The following FAM228B variants were observed in gnomAD, a reference collection of about 807,000 sequenced individuals.
The protein encoded by FAM228B is family with sequence similarity 228 member B.
In FAM228B, 38 loss-of-function variants were observed where a neutral mutation model predicts 42.6. The ratio of observed to expected loss-of-function variants is 0.89; its 90% CI spans 0.69 to 1.17. The LOEUF (loss-of-function observed/expected upper bound fraction) is 1.17. Among genes scored for constraint, FAM228B ranks in the 50% most tolerant of loss-of-function variants. FAM228B has a pLI of 0.00. For synonymous variants in FAM228B, 109 were observed against 122.3 expected (o/e 0.89, Z 0.72); for missense variants, 344 against 367.3 (o/e 0.94, Z 0.52).
chr2:24,103,802 G>T (rs535971844), intron 3 of FAM228B, among the ~76,000 whole-genome samples: 58 of 152,340 alleles, frequency 3.8e-4, no homozygotes, highest in African/African-American at 1.4e-3. Flanking sequence ...ACAGCTCACA[G>T]AACTGAGTTC....
intron 2 of FAM228B, among the ~76,000 whole-genome samples, chr2:24,093,771 C>A (rs1051849031): frequency 6.6e-6 from 1 of 151,880 alleles, no homozygotes; most frequent in South Asian, 2.1e-4. Context: ...GGCCCACCAC[C>A]TAGCCTGGCT....
intron 9 of FAM228B, among the ~76,000 whole-genome samples, chr2:24,164,654 C>T (rs1573789009): frequency 6.6e-6 from 1 of 152,300 alleles, no homozygotes; most frequent in South Asian, 2.1e-4. Context: ...CCCAGCCCCT[C>T]TCTCAGTCCG....
chr2:24,150,585 C>T (rs1667001747), intron 7 of FAM228B, among the ~76,000 whole-genome samples: 1 of 151,950 alleles, frequency 6.6e-6, no homozygotes, highest in South Asian at 2.1e-4. Context: ...CCACCATACC[C>T]AGCTAATTTT....
chr2:24,123,824 A>G (rs12467837), intron 1 of FAM228B, among the ~76,000 whole-genome samples: 17,918 of 151,998 alleles, frequency 0.12, 1,252 homozygotes, highest in South Asian at 0.18. Context: ...GGGCGCGATG[A>G]GCGAGAGCGG....
At chr2:24,111,750 C>T (rs1277054741) in intron 3 of FAM228B, among the ~76,000 whole-genome samples, 2 of 152,056 alleles carry the variant, frequency 1.3e-5, no homozygotes, top group Non-Finnish European at 2.9e-5. Context: ...CAAATGTCTG[C>T]AGTATTTCCT....
intron 2 of FAM228B, among the ~76,000 whole-genome samples, chr2:24,131,930 A>C (rs1396476879): frequency 6.6e-6 from 1 of 152,222 alleles, no homozygotes; most frequent in African/African-American, 2.4e-5. Context: ...AAATGCTTCC[A>C]GCTTTTGCCC....
At chr2:24,105,094 C>T (rs936962568) in intron 3 of FAM228B, among the ~76,000 whole-genome samples, 13 of 152,260 alleles carry the variant, frequency 8.5e-5, no homozygotes, top group Admixed American at 2.0e-4. Context: ...CACCCACCCC[C>T]GCGTCCTGTA....
chr2:24,141,531 A>T (rs1346116580), intron 5 of FAM228B, among the ~76,000 whole-genome samples: 2 of 151,714 alleles, frequency 1.3e-5, no homozygotes, highest in East Asian at 3.9e-4. Context: ...GGCTTGAGCC[A>T]CCGCGCCCGG....
Position 24,084,400 on chromosome 2 carries a change from G to A in FAM228B, c.-210+3445G>A, listed in dbSNP as rs1573724717. On this transcript the variant is annotated intron_variant, in intron 2 of 10. Coordinates refer to the FAM228B transcript ENST00000613899. The surrounding 1 kb of genome is among the most constrained non-coding windows in gnomAD (Gnocchi z 8.4). The stretch of plus-strand genomic sequence containing the variant: ...GCAGGGCAGGACAGGACAGGGCAGG[G>A]CAGGACAGGACAGGGCAGGGGCCGC... 3 of 1,478,772 alleles carry A rather than the reference G, an allele frequency of 2.0e-6. No homozygotes were observed. Among genetic ancestry groups the A allele is most frequent in the Admixed American group, 1.9e-5 (1 of 52,296 alleles). The allele number at this position is 1,478,772 out of a possible 1,614,324, so 91.6% of individuals were successfully genotyped here.
intron 9 of FAM228B, 70 bp from the exon 10 acceptor site, chr2:24,167,557 C>T: frequency 1.9e-6 from 3 of 1,542,004 alleles, no homozygotes; most frequent in Non-Finnish European, 2.6e-6. Context: ...GTTATGAAGA[C>T]AGTCTGTTCA....
At chr2:24,124,833 T>C (rs1217264089) in intron 2 of FAM228B, among the ~76,000 whole-genome samples, 1 of 152,160 alleles carries the variant, frequency 6.6e-6, no homozygotes, top group African/African-American at 2.4e-5. Flanking sequence ...TAGCTGGAAG[T>C]ATAGGCGCAC....
chr2:24,087,656 G>A lies in FAM228B; in HGVS notation c.-210+6701G>A, dbSNP rs551186064. On this transcript the variant is annotated intron_variant, in intron 2 of 10. Coordinates refer to the FAM228B transcript ENST00000613899. The stretch of plus-strand genomic sequence containing the variant: ...AACTGAGTCTCACTCTGTTGCCCAG[G>A]CTGGAGTGCAGTGGCCTGACCTCAG... Among the ~76,000 whole-genome samples, 18 of 152,136 alleles carry A rather than the reference G, an allele frequency of 1.2e-4. No homozygotes were observed. In the South Asian group the frequency reaches 3.7e-3, roughly 32 times the overall value.
chr2:24,166,442 C>T (rs1306342662), intron 9 of FAM228B: 1 of 152,048 alleles, frequency 6.6e-6, no homozygotes, highest in African/African-American at 2.4e-5. Flanking sequence ...ATTTACTAAC[C>T]TTTTCTTTTG....
Position 24,141,071 on chromosome 2 carries a change from T to G in FAM228B, c.441+1621T>G, listed in dbSNP as rs1666733133. ...TTGTTAATAAGGTTTCTTGCACATA[T>G]AAAATAGATACCTTTTTTTTTTTTG... On this transcript the variant is annotated intron_variant, in intron 5 of 10. Transcript: ENST00000615575. Among the ~76,000 whole-genome samples, 4 of 152,022 alleles carry G rather than the reference T, an allele frequency of 2.6e-5. No homozygotes were observed. The South Asian group carries it at 6.2e-4, about 24-fold the overall frequency.
chr2:24,102,649 A>G (rs1254176743), intron 3 of FAM228B, among the ~76,000 whole-genome samples: 1 of 152,156 alleles, frequency 6.6e-6, no homozygotes, highest in East Asian at 1.9e-4. Context: ...GAGGCAGGAG[A>G]ATCGCTTGAA....
chr2:24,096,781 G>C (rs901179882), intron 3 of FAM228B: 8 of 152,046 alleles, frequency 5.3e-5, no homozygotes, highest in Non-Finnish European at 1.0e-4. Context: ...AAAATACAGA[G>C]AACACCACAA....
At chr2:24,147,277 G>T (rs1286845682) in intron 7 of FAM228B, among the ~76,000 whole-genome samples, 191 bp downstream of exon 7, 1 of 151,602 alleles carries the variant, frequency 6.6e-6, no homozygotes, top group African/African-American at 2.4e-5. Flanking sequence ...CTCTGTATGT[G>T]ATGTTTCTTT....
chr2:24,153,884 G>A (rs1392999807), intron 7 of FAM228B, among the ~76,000 whole-genome samples: 1 of 152,220 alleles, frequency 6.6e-6, no homozygotes, highest in African/African-American at 2.4e-5. Flanking sequence ...CAATCACTGG[G>A]ATGGGCACTT....
chr2:24,081,353 C>T (rs530267395), intron 2 of FAM228B, among the ~76,000 whole-genome samples: 38 of 152,204 alleles, frequency 2.5e-4, no homozygotes, highest in Middle Eastern at 3.4e-3. Context: ...ACCTATAACA[C>T]CAAAATGCAC....
Sources: allele counts gnomAD v4.1 joint callset (sites outside exome capture counted in the v4.1 genomes callset), GRCh38; gene constraint gnomAD v4.1.1; non-coding constraint Gnocchi (gnomAD v3.1); transcripts MANE v1.5; gene names NCBI Gene and HGNC (gene_info 2026-07-23, HGNC 2026-07-21).